The following PEX14 variants were observed in gnomAD, a reference collection of about 807,000 sequenced individuals.
PEX14 encodes peroxisomal biogenesis factor 14, also known as peroxisomal membrane protein PEX14.
PEX14 carries 15 observed loss-of-function variants against 49.5 expected under a neutral mutation model. The ratio of observed to expected loss-of-function variants is 0.30; its 90% CI spans 0.20 to 0.47. The LOEUF is 0.47. Ranked by LOEUF, PEX14 falls within the 20% of genes least tolerant of loss-of-function variation. The pLI is 1.00. For missense variants in PEX14, 398 were observed against 494.8 expected (o/e 0.80, Z 1.86); for synonymous variants, 210 against 212.7 (o/e 0.99, Z 0.11).
rs1258087159 is a variant in PEX14, at chr1:10,499,502, G to A, written c.84+4181G>A. Among the ~76,000 whole-genome samples, 15 of 144,904 alleles carry A rather than the reference G, an allele frequency of 1.0e-4. No individual in the cohort carries two copies. In the Admixed American group the frequency reaches 1.1e-3, roughly 10 times the overall value. ...CTTGCTCTGTCACCCAGGCTGGAGT[G>A]CAGTGGTGTGATCTCGGCTCACTGC... On this transcript the variant is annotated intron_variant, in intron 2 of 8. Coordinates refer to ENST00000356607, the MANE Select transcript of PEX14 (RefSeq NM_004565.3).
intron 2 of PEX14, among the ~76,000 whole-genome samples, chr1:10,508,478 G>C (rs1641827102): frequency 6.6e-6 from 1 of 152,138 alleles, no homozygotes; most frequent in Non-Finnish European, 1.5e-5. Context: ...GGCGTGAGCT[G>C]CCGCGCCCGG....
At chr1:10,492,775 TC>T (rs1641493371) in intron 1 of PEX14, among the ~76,000 whole-genome samples, 2 of 152,238 alleles carry the variant, frequency 1.3e-5, no homozygotes, top group African/African-American at 4.8e-5. Context: ...CCTGGCACTG[TC>T]CTAGCCCCCA....
intron 3 of PEX14, among the ~76,000 whole-genome samples, chr1:10,590,453 G>A (rs1308148253): frequency 6.6e-6 from 1 of 151,900 alleles, no homozygotes. Flanking sequence ...TTGACATTTT[G>A]TTATCAATAT....
At chr1:10,526,888 T>C (rs1323817127) in intron 2 of PEX14, among the ~76,000 whole-genome samples, 1 of 152,108 alleles carries the variant, frequency 6.6e-6, no homozygotes, top group African/African-American at 2.4e-5. Context: ...ATCTTGATTG[T>C]TGACTTTCTT....
At chr1:10,627,446 G>T in intron 8 of PEX14, 83 bp downstream of exon 8, 2 of 964,232 alleles carry the variant, frequency 2.1e-6, no homozygotes, top group Non-Finnish European at 3.4e-6. Context: ...GGGGCATGAC[G>T]CCCACCCCCA....
At chr1:10,594,533 G>A (rs184488719) in intron 3 of PEX14, among the ~76,000 whole-genome samples, 6 of 152,360 alleles carry the variant, frequency 3.9e-5, no homozygotes, top group African/African-American at 9.6e-5. Flanking sequence ...GCAGGAAGGC[G>A]CTGGCAGGAG....
chr1:10,501,016 G>A (rs994099949), intron 2 of PEX14, among the ~76,000 whole-genome samples: 2 of 152,220 alleles, frequency 1.3e-5, no homozygotes, highest in African/African-American at 4.8e-5. Context: ...CTGTATTCAT[G>A]AAAGTGTTTT....
At chr1:10,596,313 G>A (rs531586831) in intron 3 of PEX14, among the ~76,000 whole-genome samples, 1 of 152,344 alleles carries the variant, frequency 6.6e-6, no homozygotes, top group Non-Finnish European at 1.5e-5. Context: ...ATATTAGAAC[G>A]AGAACAAGAT....
In PEX14 at chr1:10,628,028, C is replaced by T. The variant is rs1267197246; in HGVS notation, c.677+665C>T. ...TCGGCTCACTGCAACCTCTGCCTCC[C>T]GGGTTCACGCCATTCTCCTGCCTCA... On this transcript the variant is annotated intron_variant, in intron 8 of 8. Coordinates refer to ENST00000356607, the MANE Select transcript of PEX14 (RefSeq NM_004565.3). The surrounding 1 kb of genome is among the most constrained non-coding windows in gnomAD (Gnocchi z 4.5). Among the ~76,000 whole-genome samples, 5 of 152,126 alleles carry T rather than the reference C, an allele frequency of 3.3e-5. No homozygotes were observed. In the South Asian group the frequency reaches 6.2e-4, roughly 19 times the overall value.
intron 5 of PEX14, among the ~76,000 whole-genome samples, chr1:10,622,437 CAT>C (rs1446602833): frequency 1.1e-4 from 16 of 152,220 alleles, no homozygotes; most frequent in African/African-American, 3.6e-4. Context: ...TCAGAGCGCA[CAT>C]GTTATCCCCT....
intron 5 of PEX14, among the ~76,000 whole-genome samples, chr1:10,619,315 A>AT (rs60523076): frequency 0.062 from 7,944 of 129,046 alleles, 385 homozygotes; most frequent in South Asian, 0.13. Context: ...CTGATTGGTG[A>AT]TTTTTTTTTT....
chr1:10,514,356 G>A lies in PEX14; in HGVS notation c.84+19035G>A, dbSNP rs1469609883. ...CGAGCGCCTGTGTACGCACGTGGTCGTCACCCGCCAGAAAGATGCCATAGT... is the reference window on the plus strand; with the variant it reads ...CGAGCGCCTGTGTACGCACGTGGTCATCACCCGCCAGAAAGATGCCATAGT... On this transcript the variant is annotated intron_variant, in intron 2 of 8. Transcript: ENST00000356607. This position sits in a 1 kb window ranked among gnomAD's most constrained non-coding sequence, Gnocchi z 4.4. 2.0e-5 allele frequency among the ~76,000 whole-genome samples: 3 copies of A among 152,126 alleles called. No individual in the cohort carries two copies. The highest frequency in any genetic ancestry group is 4.4e-5 in the Non-Finnish European group (3 of 68,022).
intron 5 of PEX14, among the ~76,000 whole-genome samples, chr1:10,618,996 C>A (rs1472223620): frequency 3.3e-5 from 5 of 152,204 alleles, no homozygotes; most frequent in African/African-American, 7.2e-5. Flanking sequence ...CATTTAAGAG[C>A]GGCGGTGAGA....
At chr1:10,586,460 A>C (rs1370081763) in intron 3 of PEX14, among the ~76,000 whole-genome samples, 1 of 152,110 alleles carries the variant, frequency 6.6e-6, no homozygotes, top group Non-Finnish European at 1.5e-5. Context: ...CCCCTAAAAA[A>C]ATACATATTA....
chr1:10,605,053 C>T (rs1641089458), intron 4 of PEX14, among the ~76,000 whole-genome samples: 1 of 152,116 alleles, frequency 6.6e-6, no homozygotes, highest in Admixed American at 6.5e-5. Context: ...CCACCCCGCC[C>T]CACTGCACTT....
chr1:10,610,775 G>C (rs932801130), intron 4 of PEX14, among the ~76,000 whole-genome samples: 29 of 152,322 alleles, frequency 1.9e-4, no homozygotes, highest in Middle Eastern at 3.4e-3. Flanking sequence ...TTACAGGCAT[G>C]AGCCACTGCC....
chr1:10,522,055 C>T (rs139907764), intron 2 of PEX14, among the ~76,000 whole-genome samples: 1 of 152,268 alleles, frequency 6.6e-6, no homozygotes, highest in East Asian at 1.9e-4. Context: ...TTCATGAAGT[C>T]GGCTCTTGCA....
At chr1:10,540,135 T>C (rs892294045) in intron 3 of PEX14, among the ~76,000 whole-genome samples, 41 of 152,148 alleles carry the variant, frequency 2.7e-4, no homozygotes, top group African/African-American at 9.2e-4. Flanking sequence ...CTAGATCTTA[T>C]CCTTCTACTG....
chr1:10,619,545 C>T lies in PEX14; in HGVS notation c.384+1128C>T, dbSNP rs1641532277. On this transcript the variant is annotated intron_variant, in intron 5 of 8. Coordinates refer to ENST00000356607, the MANE Select transcript of PEX14 (RefSeq NM_004565.3). ...GGCCAGGCCGGTCTCGAACTCCTGA[C>T]CTCAGGTGATCCGCCCACCTCGGCC... Among the ~76,000 whole-genome samples the T allele has an allele frequency of 1.3e-5, 2 of 151,948 alleles. 1 individual carries two copies. The highest frequency in any genetic ancestry group is 4.2e-4 in the South Asian group (2 of 4,808).
Sources: gnomAD v4.1 joint callset for allele counts (sites outside exome capture counted in the v4.1 genomes callset) on GRCh38, gnomAD v4.1.1 for gene constraint, Gnocchi (gnomAD v3.1) non-coding constraint, MANE v1.5 for transcripts, NCBI Gene and HGNC (gene_info 2026-07-23, HGNC 2026-07-21) for gene names.